PCDH9: variants seen among roughly 807,000 people sequenced by gnomAD.
PCDH9 encodes the protein protocadherin 9.
Under a neutral mutation model 70.6 loss-of-function variants are expected in PCDH9, and 24 were observed. The ratio of observed to expected loss-of-function variants is 0.34; its 90% confidence interval spans 0.25 to 0.48. The LOEUF (loss-of-function observed/expected upper bound fraction) is 0.48, where lower values mean the gene tolerates loss of function less well. Among genes scored for constraint, PCDH9 ranks in the 20% least tolerant of loss-of-function variants. The pLI is 0.99. For missense variants in PCDH9, 1,281 were observed against 1,503.6 expected, an observed-to-expected ratio of 0.85 and a Z score of 2.45; for synonymous variants, 562 against 558.5, an observed-to-expected ratio of 1.01 and a Z score of -0.09.
At chr13:67,209,232 A>G (rs1005835198) in intron 2 of PCDH9, 3 of 151,832 alleles carry the variant, frequency 2.0e-5, no homozygotes, top group African/African-American at 7.3e-5. Flanking sequence ...TTGGAAGACC[A>G]TAACATAAGA....
intron 2 of PCDH9, among the ~76,000 whole-genome samples, chr13:67,100,015 G>A (rs9529185): frequency 0.1 from 15,199 of 152,068 alleles, 818 homozygotes; most frequent in Non-Finnish European, 0.12. Flanking sequence ...ACTGAACTAT[G>A]TTTAAAAGAA....
Position 67,025,438 on chromosome 13 carries a change from T to A in PCDH9, c.3037-121833A>T, listed in dbSNP as rs531825123. Among the ~76,000 whole-genome samples the A allele has an allele frequency of 2.6e-5, 4 of 152,266 alleles. 1 individual carries two copies. The South Asian group carries it at 6.2e-4, about 24-fold the overall frequency. On this transcript the variant is annotated intron_variant, in intron 2 of 4. Transcript: ENST00000377865. ...CGCAATTGAGAAAGTCTTCTTTTTT[T>A]AATGTTTCTTTTCTTTCCACACTGC...
chr13:66,737,265 A>G (rs1263230564), intron 3 of PCDH9, among the ~76,000 whole-genome samples: 1 of 152,198 alleles, frequency 6.6e-6, no homozygotes, highest in South Asian at 2.1e-4. Context: ...GGTTTCTGCC[A>G]TGCCATTAGC....
At chr13:66,685,465 G>T (rs771987624) in intron 3 of PCDH9, among the ~76,000 whole-genome samples, 1 of 152,318 alleles carries the variant, frequency 6.6e-6, no homozygotes, top group Admixed American at 6.5e-5. Context: ...TGCTGCAGGG[G>T]TGGAGCCCTC....
chr13:66,940,964 T>C (rs1256089078), intron 2 of PCDH9, among the ~76,000 whole-genome samples: 1 of 151,996 alleles, frequency 6.6e-6, no homozygotes, highest in African/African-American at 2.4e-5. Context: ...AAGTATTGTT[T>C]TCATAATATA....
intron 3 of PCDH9, among the ~76,000 whole-genome samples, chr13:66,638,620 C>T (rs1247740709): frequency 2.6e-5 from 4 of 151,836 alleles, no homozygotes; most frequent in Non-Finnish European, 4.4e-5. Flanking sequence ...CCTCAAATAA[C>T]GATTGATGAA....
At chr13:66,472,604 T>A (rs1958642057) in intron 4 of PCDH9, among the ~76,000 whole-genome samples, 1 of 152,156 alleles carries the variant, frequency 6.6e-6, no homozygotes, top group Non-Finnish European at 1.5e-5. Flanking sequence ...ATCCATATTA[T>A]AACAGTGTTG....
intron 4 of PCDH9, among the ~76,000 whole-genome samples, chr13:66,330,992 T>G (rs1371835859): frequency 6.6e-6 from 1 of 152,200 alleles, no homozygotes; most frequent in Admixed American, 6.5e-5. Context: ...ATCTCACAAA[T>G]GTACTTCTCC....
At chr13:66,990,125 G>A (rs1259568972) in intron 2 of PCDH9, among the ~76,000 whole-genome samples, 1 of 151,740 alleles carries the variant, frequency 6.6e-6, no homozygotes, top group Non-Finnish European at 1.5e-5. Flanking sequence ...TAAAGCCTTA[G>A]CAAATTTTAA....
intron 4 of PCDH9, among the ~76,000 whole-genome samples, chr13:66,565,737 A>C (rs1021540169): frequency 3.3e-5 from 5 of 152,184 alleles, no homozygotes; most frequent in Non-Finnish European, 7.4e-5. Context: ...CCTTAAGGAA[A>C]TTTACAGATA....
intron 2 of PCDH9, among the ~76,000 whole-genome samples, chr13:66,974,119 G>A (rs969402388): frequency 3.3e-5 from 5 of 151,910 alleles, no homozygotes; most frequent in African/African-American, 1.2e-4. Context: ...AATGACCTTC[G>A]TGATGGGGGT....
intron 4 of PCDH9, among the ~76,000 whole-genome samples, chr13:66,488,565 A>G (rs1396540241): frequency 6.6e-6 from 1 of 152,220 alleles, no homozygotes; most frequent in Non-Finnish European, 1.5e-5. Flanking sequence ...GGAAAAATAA[A>G]CAGCCAAGAC....
intron 4 of PCDH9, among the ~76,000 whole-genome samples, chr13:66,597,913 A>C (rs2077122443): frequency 6.6e-6 from 1 of 151,794 alleles, no homozygotes; most frequent in South Asian, 2.1e-4. Context: ...AAAGTCTTGA[A>C]TAGACACTTC....
intron 4 of PCDH9, among the ~76,000 whole-genome samples, chr13:66,423,526 T>C (rs954408466): frequency 2.0e-5 from 3 of 151,962 alleles, no homozygotes; most frequent in Admixed American, 6.6e-5. Context: ...GGTTAACATA[T>C]GCAAATCAAT....
chr13:66,759,920 T>A (rs1175589409), intron 3 of PCDH9, among the ~76,000 whole-genome samples: 1 of 152,196 alleles, frequency 6.6e-6, no homozygotes, highest in East Asian at 1.9e-4. Flanking sequence ...AATTTGACTG[T>A]GTAGTTCATT....
chr13:66,753,728 C>A (rs552388253), intron 3 of PCDH9, among the ~76,000 whole-genome samples: 1 of 152,066 alleles, frequency 6.6e-6, no homozygotes, highest in African/African-American at 2.4e-5. Context: ...CGTTTCAGTG[C>A]GTTGATCCAA....
chr13:66,500,792 T>C (rs1297890252), intron 4 of PCDH9, among the ~76,000 whole-genome samples: 2 of 152,142 alleles, frequency 1.3e-5, no homozygotes, highest in East Asian at 1.9e-4. Context: ...CTACATTTCA[T>C]TGAAATTCTA....
chr13:67,226,670 C>G lies in PCDH9; in HGVS notation c.1771G>C (p.Val591Leu). 1 of 1,613,418 alleles carries G rather than the reference C, an allele frequency of 6.2e-7. No homozygotes were observed. Among genetic ancestry groups the G allele is most frequent in the Non-Finnish European group, 8.5e-7 (1 of 1,179,362 alleles). ...GCATCTGTCACTGTGATTACCCCCA[C>G]AGTACTATACTTTGGCAGATTCTCA... ...VSENLPKYST[V>L]GVITVTDADA... The change falls in exon 2 of 5, where the codon GTG becomes CTG. Residue 591 changes from valine to leucine, a missense_variant. This residue lies in a region of PCDH9 where 798 missense variants were observed against 1,003.1 expected (regional missense o/e 0.80). Transcript: ENST00000377865. The surrounding 1 kb of genome is among the most constrained non-coding windows in gnomAD (Gnocchi z 5.0).
chr13:66,692,800 C>A (rs1056950760), intron 3 of PCDH9, among the ~76,000 whole-genome samples: 6 of 151,954 alleles, frequency 3.9e-5, no homozygotes, highest in Non-Finnish European at 7.4e-5. Context: ...TATATACAAT[C>A]TCTAATCAAG....
Sources: gnomAD v4.1 joint callset for allele counts (sites outside exome capture counted in the v4.1 genomes callset) on GRCh38, gnomAD v4.1.1 for gene constraint, gnomAD v4.1.1 regional missense constraint, Gnocchi (gnomAD v3.1) non-coding constraint, MANE v1.5 for transcripts, NCBI Gene and HGNC (gene_info 2026-07-23, HGNC 2026-07-21) for gene names.